The following SAMD4B variants were observed in gnomAD, a reference collection of about 807,000 sequenced individuals.
SAMD4B encodes protein Smaug homolog 2.
A neutral mutation model predicts 74.5 loss-of-function variants in SAMD4B; 5 were observed. The ratio of observed to expected loss-of-function variants is 0.07; its 90% CI spans 0.04 to 0.14. The LOEUF (loss-of-function observed/expected upper bound fraction) is 0.14. Among genes scored for constraint, SAMD4B ranks in the 10% least tolerant of loss-of-function variants. SAMD4B has a pLI of 1.00. For missense variants in SAMD4B, 608 were observed against 921.8 expected, an observed-to-expected ratio of 0.66 and a Z score of 4.41; for synonymous variants, 373 against 374.9, an observed-to-expected ratio of 1.00 and a Z score of 0.06.
Position 39,377,592 on chromosome 19 carries a change from C to T in SAMD4B, c.1212C>T (p.Ala404=), listed in dbSNP as rs1600580591. ...YSVLQATVAA[A]TTTPTAKDGA... ...TCCTCCAGGCCACCGTGGCTGCCGC[C>T]ACCACCACCCCTACTGCCAAGGATG... Residue 404 remains alanine (A), a synonymous_variant, in exon 8 of 14, where the codon GCC becomes GCT. Coordinates refer to ENST00000610417, the MANE Select transcript of SAMD4B (RefSeq NM_001384574.2). 1 of 1,613,998 alleles carries T rather than the reference C, an allele frequency of 6.2e-7. No homozygotes were observed. Among genetic ancestry groups the T allele is most frequent in the East Asian group, 2.2e-5 (1 of 44,880 alleles).
intron 1 of SAMD4B, among the ~76,000 whole-genome samples, chr19:39,343,407 C>T (rs1435362419): frequency 6.6e-6 from 1 of 151,222 alleles, no homozygotes; most frequent in African/African-American, 2.4e-5. Flanking sequence ...CAAAATAAAT[C>T]TTCCTCACAG....
At chr19:39,389,187 G>A, downstream of SAMD4B, 2 of 1,613,992 alleles carry the variant, frequency 1.2e-6, no homozygotes, top group Non-Finnish European at 1.7e-6. The surrounding 1 kb of genome is among the most constrained non-coding windows in gnomAD (Gnocchi z 5.3). Flanking sequence ...CTGCTTCACA[G>A]AAACCCCAAT....
At chr19:39,370,216 C>A in intron 4 of SAMD4B, 91 bp downstream of exon 4, 1 of 1,275,426 alleles carries the variant, frequency 7.8e-7, no homozygotes, top group Non-Finnish European at 1.1e-6. Flanking sequence ...TGGCATTAGA[C>A]AAGTCACATA....
chr19:39,381,777 C>T (rs2078001053), intron 12 of SAMD4B, among the ~76,000 whole-genome samples: 1 of 152,114 alleles, frequency 6.6e-6, no homozygotes, highest in Non-Finnish European at 1.5e-5. Flanking sequence ...CAAAAAAATA[C>T]AGAAATTATC....
At chr19:39,389,056 G>A (rs372198817), downstream of SAMD4B, 295 of 1,610,902 alleles carry the variant, frequency 1.8e-4, 1 homozygote, top group South Asian at 6.7e-4. The surrounding 1 kb of genome is among the most constrained non-coding windows in gnomAD (Gnocchi z 5.3). Flanking sequence ...CTCTGCAGCC[G>A]CACCCTTGCC....
chr19:39,368,912 C>G (rs748109024), intron 3 of SAMD4B, among the ~76,000 whole-genome samples: 120 of 152,300 alleles, frequency 7.9e-4, no homozygotes, highest in Non-Finnish European at 1.2e-3. Flanking sequence ...GATTCCAGAG[C>G]CCAAGCTTTT....
At chr19:39,361,279 C>T (rs902193094) in intron 3 of SAMD4B, among the ~76,000 whole-genome samples, 8 of 152,160 alleles carry the variant, frequency 5.3e-5, no homozygotes, top group South Asian at 2.1e-4. Context: ...CACACCTACT[C>T]CACAAACCAA....
chr19:39,357,238 A>G lies in SAMD4B; in HGVS notation c.196+149A>G. On this transcript the variant is annotated intron_variant, in intron 3 of 13. Transcript: ENST00000610417. Reference sequence around the variant, plus strand: ...GGAGTTCCTTACCTTCTAAGTTGTCATCATGGGTCTTCTGGGACTGTGTTG... The same window carrying G: ...GGAGTTCCTTACCTTCTAAGTTGTCGTCATGGGTCTTCTGGGACTGTGTTG... 6.4e-6 allele frequency: 4 copies of G among 621,106 alleles called. No homozygotes were observed. In the South Asian group the frequency reaches 9.5e-5, roughly 15 times the overall value. 38.5% of individuals were successfully genotyped at this position (621,106 alleles called of 1,614,324 possible).
chr19:39,388,485 G>A, downstream of SAMD4B: 2 of 1,614,166 alleles, frequency 1.2e-6, no homozygotes, highest in Non-Finnish European at 1.7e-6. Context: ...TGAGGGCACA[G>A]GTTCAGCCCC....
chr19:39,385,460 G>T lies in SAMD4B; in HGVS notation c.*1933G>T. 1 of 432,598 alleles carries T rather than the reference G, an allele frequency of 2.3e-6. No individual in the cohort carries two copies. The allele number at this position is 432,598 out of a possible 1,614,324, so 26.8% of individuals were successfully genotyped here. A position where few individuals can be genotyped will look rare whatever the true frequency, so the allele number is the denominator to read the frequency against. On this transcript the variant is annotated 3_prime_UTR_variant, in exon 14 of 14. Transcript: ENST00000610417. ...CACCTGACAGCAGAGTGTGCAGGAC[G>T]CAGGCGGCCCCACTCTGATGGGCAG... is the stretch of plus-strand genomic sequence containing the variant.
intron 1 of SAMD4B, chr19:39,351,421 CTT>C (rs2076034979): frequency 6.6e-6 from 1 of 152,176 alleles, no homozygotes; most frequent in Non-Finnish European, 1.5e-5. Flanking sequence ...AGGCTCCCCT[CTT>C]GTGTTTTTCC....
intron 4 of SAMD4B, among the ~76,000 whole-genome samples, chr19:39,373,070 G>A (rs984084362): frequency 2.0e-5 from 3 of 152,120 alleles, no homozygotes; most frequent in African/African-American, 7.2e-5. Flanking sequence ...CCTGCACCAG[G>A]CTAGCCCTCC....
chr19:39,388,269 T>C (rs895599179), downstream of SAMD4B: 1 of 1,508,986 alleles, frequency 6.6e-7, no homozygotes, highest in Non-Finnish European at 9.2e-7. Flanking sequence ...ACCTCCAAGG[T>C]GGCTCTTGCA....
At chr19:39,358,580 C>T (rs2076468834) in intron 3 of SAMD4B, among the ~76,000 whole-genome samples, 1 of 150,650 alleles carries the variant, frequency 6.6e-6, no homozygotes, top group Admixed American at 6.6e-5. Flanking sequence ...AACATGATAT[C>T]CTGAGAAGTA....
Position 39,378,517 on chromosome 19 carries a change from G to T in SAMD4B, c.1458G>T (p.Leu486=). ...ATGTCCCCCCAGTGTGCACCCAACT[G>T]CTGGTGTCCCGACCAGACGAGGAGA... is the stretch of plus-strand genomic sequence containing the variant. ...TRVMGKVCTQ[L]LVSRPDEENI... is the part of the protein sequence containing the mutation. The change falls in exon 9 of 14, where the codon CTG becomes CTT. Residue 486 remains leucine, a synonymous_variant. Coordinates refer to ENST00000610417, the MANE Select transcript of SAMD4B (RefSeq NM_001384574.2). The surrounding 1 kb of genome is among the most constrained non-coding windows in gnomAD (Gnocchi z 4.4). 1 of 1,613,976 alleles carries T rather than the reference G, an allele frequency of 6.2e-7. No homozygotes were observed. The highest frequency in any genetic ancestry group is 1.3e-5 in the African/African-American group (1 of 75,024).
At chr19:39,342,670 C>A (rs1489953178) in intron 1 of SAMD4B, 94 bp downstream of exon 1, 1 of 148,406 alleles carries the variant, frequency 6.7e-6, no homozygotes, top group South Asian at 1.8e-4. Context: ...CGGCCCCGCC[C>A]CCTCAGGGAC....
At position 39,385,263 on chromosome 19, in the gene SAMD4B, G is replaced by T; in HGVS notation, c.*1736G>T. The T allele has an allele frequency of 3.2e-6, 1 of 316,294 alleles. No homozygotes were observed. The highest frequency in any genetic ancestry group is 2.2e-5 in the African/African-American group (1 of 46,426). The allele number at this position is 316,294 out of a possible 1,614,324, so 19.6% of individuals were successfully genotyped here. A position where few individuals can be genotyped will look rare whatever the true frequency, so the allele number is the denominator to read the frequency against. On this transcript the variant is annotated 3_prime_UTR_variant, in exon 14 of 14. Transcript: ENST00000610417. ...ACTAGCTGCAGGAAGTGGGATGGAT[G>T]GGCCACCTCGTTTGGAATCAGCAGG...
At chr19:39,376,126 CAAGG>C (rs1165674707) in intron 5 of SAMD4B, among the ~76,000 whole-genome samples, 1 of 152,090 alleles carries the variant, frequency 6.6e-6, no homozygotes, top group Non-Finnish European at 1.5e-5. Flanking sequence ...CCCAGTCTGA[CAAGG>C]AAGCCAGGAC....
At chr19:39,349,269 A>G (rs1042114826) in intron 1 of SAMD4B, among the ~76,000 whole-genome samples, 2 of 152,224 alleles carry the variant, frequency 1.3e-5, no homozygotes, top group Admixed American at 1.3e-4. Flanking sequence ...TTGAATCTAC[A>G]GGAGTTAATT....
Sources: gnomAD v4.1 joint callset for allele counts (sites outside exome capture counted in the v4.1 genomes callset) on GRCh38, gnomAD v4.1.1 for gene constraint, Gnocchi (gnomAD v3.1) non-coding constraint, MANE v1.5 for transcripts, NCBI Gene and HGNC (gene_info 2026-07-23, HGNC 2026-07-21) for gene names.